OR1J2: variants seen among roughly 807,000 people sequenced by gnomAD.
OR1J2 encodes olfactory receptor 1J2.
For synonymous variants in OR1J2, 142 were observed against 99.7 expected (o/e 1.42, Z -2.52); for missense variants, 304 against 246.1 (o/e 1.24, Z -1.57).
chr9:122,449,030 A>G, the OR1J2 span: 1 of 151,982 alleles, frequency 6.6e-6, no homozygotes, highest in African/African-American at 2.4e-5. Flanking sequence ...TAGGGTAAGA[A>G]CAAGATGACG....
At chr9:122,553,147 A>G in the OR1J2 span, 20 of 1,548,038 alleles carry the variant, frequency 1.3e-5, no homozygotes, top group Non-Finnish European at 1.6e-5. Context: ...CTGTAAATTG[A>G]TCTAATAAAT....
the OR1J2 span, chr9:122,568,496 A>T: frequency 6.9e-7 from 1 of 1,458,112 alleles, no homozygotes; most frequent in Non-Finnish European, 9.3e-7. Flanking sequence ...GCTCAGTTAT[A>T]AACAAGAAGT....
the OR1J2 span, among the ~76,000 whole-genome samples, chr9:122,531,420 T>G: frequency 6.6e-6 from 1 of 152,108 alleles, no homozygotes; most frequent in South Asian, 2.1e-4. Context: ...GAACGGTGAA[T>G]AGGAGTATGA....
chr9:122,570,217 A>G, the OR1J2 span, among the ~76,000 whole-genome samples: 1 of 150,928 alleles, frequency 6.6e-6, no homozygotes, highest in Non-Finnish European at 1.5e-5. Context: ...GCTGGGTCAA[A>G]TGGTATTTCT....
chr9:122,520,052 C>G, the OR1J2 span: 8 of 1,613,246 alleles, frequency 5.0e-6, no homozygotes, highest in African/African-American at 9.3e-5. Context: ...TGGAGAGACT[C>G]TTCAACAGGG....
At chr9:122,453,051 A>G in the OR1J2 span, among the ~76,000 whole-genome samples, 4 of 134,674 alleles carry the variant, frequency 3.0e-5, no homozygotes, top group Admixed American at 7.6e-5. Context: ...AAAAAAAAAA[A>G]TGGGTGTGGC....
the OR1J2 span, among the ~76,000 whole-genome samples, chr9:122,487,271 G>C: frequency 6.6e-6 from 1 of 152,072 alleles, no homozygotes; most frequent in Non-Finnish European, 1.5e-5. Flanking sequence ...TGAAGAATGT[G>C]CTCATAGCTG....
the OR1J2 span, chr9:122,519,659 C>T: frequency 1.2e-6 from 2 of 1,614,124 alleles, no homozygotes; most frequent in African/African-American, 1.3e-5. Flanking sequence ...CTGACAACAC[C>T]ATCCCCCATT....
the OR1J2 span, among the ~76,000 whole-genome samples, chr9:122,566,954 A>G: frequency 6.6e-6 from 1 of 152,268 alleles, no homozygotes; most frequent in South Asian, 2.1e-4. Flanking sequence ...ATAAAATATA[A>G]GAGGAAATTA....
At chr9:122,535,727 C>T in the OR1J2 span, among the ~76,000 whole-genome samples, 128 of 152,108 alleles carry the variant, frequency 8.4e-4, 4 homozygotes, top group Admixed American at 7.6e-3. Context: ...TCCCCTGATC[C>T]GAGTCATGGC....
the OR1J2 span, among the ~76,000 whole-genome samples, chr9:122,576,154 C>T: frequency 1.3e-5 from 2 of 152,158 alleles, no homozygotes; most frequent in African/African-American, 2.4e-5. Flanking sequence ...TTGCTGTTGA[C>T]TTGTAAGAGT....
the OR1J2 span, chr9:122,576,666 TG>T: frequency 6.6e-6 from 1 of 152,222 alleles, no homozygotes; most frequent in Admixed American, 6.6e-5. Flanking sequence ...CAACAGTGTG[TG>T]GGCCTTTCTA....
chr9:122,471,201 G>C, the OR1J2 span, among the ~76,000 whole-genome samples: 1 of 152,212 alleles, frequency 6.6e-6, no homozygotes, highest in Non-Finnish European at 1.5e-5. Context: ...TAATTCCCAT[G>C]TGTTGTGAGA....
the OR1J2 span, among the ~76,000 whole-genome samples, chr9:122,497,834 T>C: frequency 6.6e-6 from 1 of 152,196 alleles, no homozygotes; most frequent in Admixed American, 6.5e-5. Flanking sequence ...ATACTGCTTT[T>C]GCTGCAGTGT....
the OR1J2 span, among the ~76,000 whole-genome samples, chr9:122,551,866 TCTAATAAA>T: frequency 2.0e-5 from 3 of 152,170 alleles, no homozygotes; most frequent in Non-Finnish European, 4.4e-5. Flanking sequence ...TTCAGGTATT[TCTAATAAA>T]CTCTGGACTC....
At chr9:122,477,096 T>C in the OR1J2 span, 3 of 1,613,568 alleles carry the variant, frequency 1.9e-6, no homozygotes, top group Non-Finnish European at 2.5e-6. Flanking sequence ...CTGCTGTGTA[T>C]ATCACTGAAG....
Position 122,511,573 on chromosome 9 carries a change from C to T in OR1J2, c.772C>T (p.Gln258Ter), listed in dbSNP as rs1828638248. ...TCTCTATTATGGGTCAATATTTGGCCAGTACCTTTTCCCGACTGTAAGCAG... is the reference window on the plus strand; with the variant it reads ...TCTCTATTATGGGTCAATATTTGGCTAGTACCTTTTCCCGACTGTAAGCAG... ...VSLYYGSIFGQYLFPTVSSSI... is the reference protein window; with the variant it reads ...VSLYYGSIFG Residue 258 changes from glutamine to a stop codon, truncating the protein, a stop_gained, in exon 1 of 1, where the codon CAG (glutamine) becomes TAG (stop). Coordinates refer to ENST00000335302, the MANE Select transcript of OR1J2 (RefSeq NM_054107.1). LOFTEE classifies it low-confidence loss of function (END_TRUNC). The T allele has an allele frequency of 1.3e-6, 1 of 780,928 alleles. No individual in the cohort carries two copies. The highest frequency in any genetic ancestry group is 1.7e-5 in the African/African-American group (1 of 59,112). The allele number at this position is 780,928 out of a possible 1,614,324, so 48.4% of individuals were successfully genotyped here. A position where few individuals can be genotyped will look rare whatever the true frequency, so the allele number is the denominator to read the frequency against.
chr9:122,559,775 G>C, the OR1J2 span, among the ~76,000 whole-genome samples: 3 of 152,180 alleles, frequency 2.0e-5, no homozygotes, highest in Admixed American at 2.0e-4. Context: ...GTGCCATGTG[G>C]CACTGAGAAG....
At chr9:122,487,536 T>C in the OR1J2 span, among the ~76,000 whole-genome samples, 1 of 151,708 alleles carries the variant, frequency 6.6e-6, no homozygotes, top group African/African-American at 2.4e-5. Flanking sequence ...CCTAGTTCAG[T>C]GATAAATTCA....
Sources: gnomAD v4.1 joint callset for allele counts (sites outside exome capture counted in the v4.1 genomes callset) on GRCh38, gnomAD v4.1.1 for gene constraint, MANE v1.5 for transcripts, NCBI Gene and HGNC (gene_info 2026-07-23, HGNC 2026-07-21) for gene names.